Variants in GNS observed in about 807,000 individuals in gnomAD.
GNS encodes the protein glucosamine (N-acetyl)-6-sulfatase.
A neutral mutation model predicts 69.7 loss-of-function variants in GNS; 40 were observed. The ratio of observed to expected loss-of-function variants is 0.57; its 90% CI spans 0.45 to 0.75. The LOEUF is 0.75. Ranked by LOEUF, GNS falls within the 30% of genes least tolerant of loss-of-function variation. GNS has a pLI of 0.00. For synonymous variants in GNS, 243 were observed against 251.6 expected (o/e 0.97, Z 0.32); for missense variants, 565 against 685.5 (o/e 0.82, Z 1.96).
At chr12:64,752,324 A>G (rs1870106133) in intron 2 of GNS, among the ~76,000 whole-genome samples, 1 of 152,300 alleles carries the variant, frequency 6.6e-6, no homozygotes, top group East Asian at 1.9e-4. Flanking sequence ...GAATTTCTGC[A>G]TCTATATTTA....
chr12:64,734,838 C>T lies in GNS; in HGVS notation c.1098+2166G>A, dbSNP rs55935373. Among the ~76,000 whole-genome samples, 106 of 152,230 alleles carry T rather than the reference C, an allele frequency of 7.0e-4. 1 individual carries two copies. Among genetic ancestry groups the T allele is most frequent in the Non-Finnish European group, 1.3e-3 (89 of 68,008 alleles). ...GATCTTGTGACCAGGCATGGTGGCT[C>T]GCGCCTGTAATCCCAGCACTTTGGG... is the stretch of plus-strand genomic sequence containing the variant. On this transcript the variant is annotated intron_variant, in intron 9 of 13. Coordinates refer to ENST00000258145, the MANE Select transcript of GNS (RefSeq NM_002076.4).
At chr12:64,722,652 G>A (rs1432034845) in intron 11 of GNS, among the ~76,000 whole-genome samples, 1 of 152,196 alleles carries the variant, frequency 6.6e-6, no homozygotes, top group Non-Finnish European at 1.5e-5. Flanking sequence ...ATGGTTACAG[G>A]CAGGAACCAC....
In GNS at chr12:64,716,368, T is replaced by G; in HGVS notation, c.*373A>C. Reference sequence around the variant, plus strand: ...TTACATATCAAAAGGTGTGTCTGTGTGTTTGTGTGTGTCCTAAAGTACTGC... The same window carrying G: ...TTACATATCAAAAGGTGTGTCTGTGGGTTTGTGTGTGTCCTAAAGTACTGC... On this transcript the variant is annotated 3_prime_UTR_variant, in exon 14 of 14. Transcript: ENST00000258145. 3.1e-6 allele frequency: 1 copy of G among 322,012 alleles called. No individual in the cohort carries two copies. Among genetic ancestry groups the G allele is most frequent in the African/African-American group, 2.1e-5 (1 of 46,980 alleles). The allele number at this position is 322,012 out of a possible 1,614,324, so 19.9% of individuals were successfully genotyped here.
chr12:64,728,986 C>G lies in GNS; in HGVS notation c.1170G>C (p.Gln390His). 6.3e-7 allele frequency: 1 copy of G among 1,589,584 alleles called. No homozygotes were observed. The highest frequency in any genetic ancestry group is 8.6e-7 in the Non-Finnish European group (1 of 1,157,668). ...TGGGCAATAAGGACATCCCATCCAT[C>G]TGTGTCTTATTTAGGTCGTAGCCAG... is the stretch of plus-strand genomic sequence containing the variant. ...DIAGYDLNKTQMDGMSLLPIL... is the reference protein window; with the variant it reads ...DIAGYDLNKTHMDGMSLLPIL... Residue 390 changes from glutamine to histidine, a missense_variant, in exon 10 of 14, where the codon CAG (glutamine) becomes CAC (histidine). Gln to His is a conservative substitution (Grantham distance 24, BLOSUM62 0). Around this residue, in one of 2 missense-constraint regions of GNS, gnomAD observed 384 missense variants for 511.0 expected, o/e 0.75. Transcript: ENST00000258145.
chr12:64,731,691 A>G (rs1316850369), intron 9 of GNS, among the ~76,000 whole-genome samples: 1 of 152,254 alleles, frequency 6.6e-6, no homozygotes, highest in Non-Finnish European at 1.5e-5. Context: ...TATATAACCA[A>G]GAATTTGGAT....
chr12:64,719,929 C>T, intron 13 of GNS, 93 bp downstream of exon 13: 1 of 824,808 alleles, frequency 1.2e-6, no homozygotes, highest in Non-Finnish European at 2.2e-6. Context: ...GAAGAATCAT[C>T]ATCTCACAGC....
At chr12:64,748,131 G>A (rs1344845947) in intron 2 of GNS, among the ~76,000 whole-genome samples, 3 of 152,090 alleles carry the variant, frequency 2.0e-5, no homozygotes, top group Admixed American at 1.3e-4. Flanking sequence ...AACTGAGAAC[G>A]GATTTCTTTC....
At position 64,739,369 on chromosome 12, in the gene GNS, C is replaced by A. The variant is rs373433487; in HGVS notation, c.994+12G>T. ...CTCAAAGATCACAGCAGTACCTACT[C>A]CTGCCTCTGACCTGTGTGATAGCCA... On this transcript the variant is annotated intron_variant, in intron 8 of 13. Transcript: ENST00000258145. 2.5e-6 allele frequency: 3 copies of A among 1,223,400 alleles called. No homozygotes were observed. The African/African-American group carries it at 4.4e-5, about 18-fold the overall frequency. 75.8% of individuals were successfully genotyped at this position (1,223,400 alleles called of 1,614,324 possible).
chr12:64,739,681 C>T lies in GNS; in HGVS notation c.876-182G>A, dbSNP rs17100621. Among the ~76,000 whole-genome samples, 6,466 of 151,606 alleles carry T rather than the reference C, an allele frequency of 0.043. 472 individuals carry two copies. The highest frequency in any genetic ancestry group is 0.15 in the African/African-American group (6,163 of 41,280). On this transcript the variant is annotated intron_variant, in intron 7 of 13. Coordinates refer to ENST00000258145, the MANE Select transcript of GNS (RefSeq NM_002076.4). Reference sequence around the variant, plus strand: ...AAACACTCTCCCCCAAAACTCAAATCCCCAATCTCCATTCCCTAGACCTTC... The same window carrying T: ...AAACACTCTCCCCCAAAACTCAAATTCCCAATCTCCATTCCCTAGACCTTC...
chr12:64,724,967 C>A (rs1869150098), intron 10 of GNS, among the ~76,000 whole-genome samples: 2 of 152,140 alleles, frequency 1.3e-5, no homozygotes, highest in Admixed American at 6.5e-5. Context: ...CAAAATCCCA[C>A]CCTTGAATGT....
At chr12:64,753,307 G>C in intron 1 of GNS, among the ~76,000 whole-genome samples, 1 of 152,114 alleles carries the variant, frequency 6.6e-6, no homozygotes, top group Admixed American at 6.5e-5. Context: ...GTGGCAAGCA[G>C]GTGTACACAG....
chr12:64,740,372 T>A (rs1422856815), intron 7 of GNS, among the ~76,000 whole-genome samples: 1 of 152,222 alleles, frequency 6.6e-6, no homozygotes, highest in East Asian at 1.9e-4. Context: ...GCAAGACTTT[T>A]GCCAAGTCCT....
chr12:64,742,467 C>T (rs907314065), intron 6 of GNS, among the ~76,000 whole-genome samples: 2 of 152,356 alleles, frequency 1.3e-5, no homozygotes, highest in South Asian at 4.1e-4. Flanking sequence ...TCCCACTTCA[C>T]ATGAAAAAAT....
chr12:64,745,387 T>C (rs1473943271), intron 4 of GNS, among the ~76,000 whole-genome samples: 1 of 151,862 alleles, frequency 6.6e-6, no homozygotes, highest in Non-Finnish European at 1.5e-5. Context: ...ACCCAGCTAA[T>C]TTTAAAATTT....
At chr12:64,717,160 C>T (rs1325605087) in intron 13 of GNS, among the ~76,000 whole-genome samples, 2 of 152,164 alleles carry the variant, frequency 1.3e-5, no homozygotes, top group African/African-American at 4.8e-5. Flanking sequence ...TCAAGTCACC[C>T]TGATTTTATT....
At chr12:64,751,182 T>C (rs1390769949) in intron 2 of GNS, among the ~76,000 whole-genome samples, 1 of 152,358 alleles carries the variant, frequency 6.6e-6, no homozygotes, top group African/African-American at 2.4e-5. Context: ...TGAGACCTTT[T>C]CTCTGTCTTT....
intron 9 of GNS, among the ~76,000 whole-genome samples, chr12:64,732,186 G>C (rs1251998635): frequency 6.0e-5 from 1 of 16,600 alleles, no homozygotes; most frequent in African/African-American, 2.4e-4. Flanking sequence ...TTTTTTTTTT[G>C]AGACGGAGTC....
chr12:64,756,599 G>A (rs1870255848), intron 1 of GNS: 1 of 647,998 alleles, frequency 1.5e-6, no homozygotes, highest in Non-Finnish European at 2.7e-6. Context: ...TTCCTTTTAA[G>A]ATAAGGATAC....
chr12:64,726,665 T>C (rs1036763040), intron 10 of GNS, among the ~76,000 whole-genome samples: 51 of 152,268 alleles, frequency 3.3e-4, no homozygotes, highest in Admixed American at 4.6e-4. Context: ...TGGCTAATTT[T>C]CTGTATTTTT....
Sources: allele counts gnomAD v4.1 joint callset (sites outside exome capture counted in the v4.1 genomes callset), GRCh38; gene constraint gnomAD v4.1.1; regional missense constraint gnomAD v4.1.1; transcripts MANE v1.5; gene names NCBI Gene and HGNC (gene_info 2026-07-23, HGNC 2026-07-21).